Variants in CDK17 observed in about 807,000 individuals in gnomAD.
CDK17 encodes the protein cyclin dependent kinase 17.
CDK17 carries 24 observed loss-of-function variants against 77.6 expected under a neutral mutation model. The observed-to-expected ratio is 0.31, with a 90% CI of 0.22 to 0.44. The LOEUF is 0.44. CDK17 is among the 20% of genes least tolerant of loss of function. The pLI is 1.00. For missense variants in CDK17, 429 were observed against 622.5 expected, an observed-to-expected ratio of 0.69 and a Z score of 3.31; for synonymous variants, 203 against 210.4, an observed-to-expected ratio of 0.96 and a Z score of 0.30.
rs1483829747 is a variant in CDK17, at chr12:96,316,697, ACT to A, written c.284-3245_284-3244del. Among the ~76,000 whole-genome samples the A allele has an allele frequency of 1.0e-4, 13 of 126,568 alleles. 2 individuals carry two copies. The highest frequency in any genetic ancestry group is 2.0e-4 in the Non-Finnish European group (12 of 59,440). 83.0% of individuals were successfully genotyped at this position (126,568 alleles called of 152,430 possible). On this transcript the variant is annotated intron_variant, in intron 3 of 16. Coordinates refer to ENST00000261211, the MANE Select transcript of CDK17 (RefSeq NM_002595.5). Reference sequence around the variant, plus strand: ...GTGAGGCACCCCCCAGCAGGGGCACACTGACACCTCACACGGCAGGGTATTCC... The same window carrying A: ...GTGAGGCACCCCCCAGCAGGGGCACAGACACCTCACACGGCAGGGTATTCC...
chr12:96,389,534 T>C (rs771746154), intron 1 of CDK17, among the ~76,000 whole-genome samples: 2 of 152,150 alleles, frequency 1.3e-5, no homozygotes, highest in African/African-American at 2.4e-5. Flanking sequence ...AAAAAATCCA[T>C]GCTCACCAAC....
intron 1 of CDK17, among the ~76,000 whole-genome samples, chr12:96,369,384 T>A (rs1454139209): frequency 6.6e-6 from 1 of 152,166 alleles, no homozygotes; most frequent in African/African-American, 2.4e-5. Flanking sequence ...AAATTAAGTA[T>A]TTCTTATAAA....
intron 1 of CDK17, among the ~76,000 whole-genome samples, chr12:96,385,806 C>T (rs1330971658): frequency 6.6e-6 from 1 of 151,900 alleles, no homozygotes; most frequent in Non-Finnish European, 1.5e-5. Flanking sequence ...ATAACTGAGA[C>T]CATACAGATA....
chr12:96,350,172 T>C (rs368522596), intron 1 of CDK17, among the ~76,000 whole-genome samples: 95 of 152,308 alleles, frequency 6.2e-4, no homozygotes, highest in African/African-American at 2.2e-3. Context: ...GAAGACTTAA[T>C]ATGATGTCAA....
At chr12:96,292,406 G>A (rs918223690) in intron 10 of CDK17, among the ~76,000 whole-genome samples, 1 of 152,094 alleles carries the variant, frequency 6.6e-6, no homozygotes, top group Non-Finnish European at 1.5e-5. Context: ...AGGAGTTCGA[G>A]ACCAGCCTGA....
rs551216947 is a variant in CDK17, at chr12:96,359,780, T to C, written c.-29-24915A>G. Among the ~76,000 whole-genome samples the C allele has an allele frequency of 4.6e-5, 7 of 152,208 alleles. No individual in the cohort carries two copies. In the East Asian group the frequency reaches 1.2e-3, roughly 25 times the overall value. ...TATACTATAAAACTCAAAGAGCAGA[T>C]AAAGTTTAAACCAAATCCCCATCAA... On this transcript the variant is annotated intron_variant, in intron 1 of 16. Transcript: ENST00000261211.
intron 1 of CDK17, among the ~76,000 whole-genome samples, chr12:96,393,354 CAAAAA>C (rs10633197): frequency 2.1e-4 from 9 of 43,344 alleles, no homozygotes; most frequent in Admixed American, 1.4e-3. Context: ...GGCTCCGCCT[CAAAAA>C]AAAAAAAAAA....
chr12:96,303,639 T>A (rs1359597127), intron 5 of CDK17: 1 of 152,020 alleles, frequency 6.6e-6, no homozygotes, highest in African/African-American at 2.4e-5. Flanking sequence ...CAAATTCCTA[T>A]TCAGATGGCT....
At chr12:96,394,788 G>A (rs1425270034) in intron 1 of CDK17, among the ~76,000 whole-genome samples, 3 of 132,496 alleles carry the variant, frequency 2.3e-5, no homozygotes, top group Admixed American at 1.6e-4. Context: ...CTGAGGGAGA[G>A]ACTCCGTCTC....
chr12:96,299,388 A>AT (rs35168599), intron 6 of CDK17, among the ~76,000 whole-genome samples: 2,139 of 132,946 alleles, frequency 0.016, 36 homozygotes, highest in African/African-American at 0.056. Context: ...TAAATGATAA[A>AT]TTTTTTTTTT....
intron 13 of CDK17, among the ~76,000 whole-genome samples, chr12:96,285,024 T>C (rs1406800096): frequency 6.6e-6 from 1 of 152,174 alleles, no homozygotes. Flanking sequence ...TTCTATGTAG[T>C]TTGCCATTCT....
intron 13 of CDK17, among the ~76,000 whole-genome samples, chr12:96,284,084 G>A (rs1952212943): frequency 6.6e-6 from 1 of 152,156 alleles, no homozygotes; most frequent in African/African-American, 2.4e-5. Context: ...ACAGAAATGA[G>A]CTATTCAGCA....
intron 13 of CDK17, among the ~76,000 whole-genome samples, chr12:96,284,625 C>A (rs1219331444): frequency 6.8e-6 from 1 of 147,926 alleles, no homozygotes; most frequent in African/African-American, 2.5e-5. Flanking sequence ...TGCAAAGGTG[C>A]GATCCCGGCT....
chr12:96,388,330 A>G (rs1038749971), intron 1 of CDK17, among the ~76,000 whole-genome samples: 10 of 152,214 alleles, frequency 6.6e-5, no homozygotes, highest in South Asian at 2.1e-4. Flanking sequence ...CCTAATGGTC[A>G]TTAGATTAGA....
Position 96,287,805 on chromosome 12 carries a change from A to AAT in CDK17, c.1119-1046_1119-1045dup, listed in dbSNP as rs1453090217. ...TGGATAAATGGGTAACAGAATGTGG[A>AAT]ATATATATTTAATGGAGTATTTTTA... On this transcript the variant is annotated intron_variant, in intron 11 of 16. Transcript: ENST00000261211. 7.9e-5 allele frequency among the ~76,000 whole-genome samples: 12 copies of AAT among 152,222 alleles called. 1 individual carries two copies. The highest frequency in any genetic ancestry group is 1.5e-4 in the Non-Finnish European group (10 of 68,036).
intron 1 of CDK17, among the ~76,000 whole-genome samples, chr12:96,349,086 A>G (rs1487526948): frequency 1.3e-5 from 2 of 152,238 alleles, no homozygotes; most frequent in Admixed American, 6.5e-5. Flanking sequence ...AGCTTATTAA[A>G]AAGATTATAC....
In CDK17 at chr12:96,367,689, T is replaced by G. The variant is rs373240283; in HGVS notation, c.-30+32297A>C. Reference sequence around the variant, plus strand: ...CATGTGAGTCACAGCAGAAGCAAAGTTGAAATCTCTAGAAAATAAACTTCA... The same window carrying G: ...CATGTGAGTCACAGCAGAAGCAAAGGTGAAATCTCTAGAAAATAAACTTCA... On this transcript the variant is annotated intron_variant, in intron 1 of 16. Transcript: ENST00000261211. Among the ~76,000 whole-genome samples the G allele has an allele frequency of 1.1e-4, 17 of 151,968 alleles. No homozygotes were observed. In the East Asian group the frequency reaches 1.9e-3, roughly 17 times the overall value.
At chr12:96,374,753 G>A (rs1953751386) in intron 1 of CDK17, among the ~76,000 whole-genome samples, 1 of 152,170 alleles carries the variant, frequency 6.6e-6, no homozygotes, top group Non-Finnish European at 1.5e-5. Context: ...TACCAGTCAA[G>A]CAGTAAGCTT....
intron 1 of CDK17, among the ~76,000 whole-genome samples, chr12:96,345,064 T>C (rs1953183131): frequency 6.6e-6 from 1 of 152,208 alleles, no homozygotes; most frequent in African/African-American, 2.4e-5. Flanking sequence ...CACTTATAAG[T>C]CAGAACATGA....
Sources: gnomAD v4.1 joint callset for allele counts (sites outside exome capture counted in the v4.1 genomes callset) on GRCh38, gnomAD v4.1.1 for gene constraint, MANE v1.5 for transcripts, NCBI Gene and HGNC (gene_info 2026-07-23, HGNC 2026-07-21) for gene names.